The following MGRN1 variants were observed in gnomAD, a reference collection of about 807,000 sequenced individuals.
MGRN1 encodes the protein mahogunin ring finger 1, also known as E3 ubiquitin-protein ligase MGRN1.
MGRN1 carries 29 observed loss-of-function variants against 69.2 expected under a neutral mutation model. That is an observed-to-expected ratio of 0.42 (90% confidence interval 0.31 to 0.57). The LOEUF (loss-of-function observed/expected upper bound fraction) is 0.57, where lower values mean the gene tolerates loss of function less well. Among genes scored for constraint, MGRN1 ranks in the 20% least tolerant of loss-of-function variants. MGRN1 has a pLI of 0.15. For synonymous variants in MGRN1, 470 were observed against 344.2 expected (o/e 1.37, Z -4.04); for missense variants, 998 against 796.2 (o/e 1.25, Z -3.05).
intron 9 of MGRN1, chr16:4,672,580 T>G (rs558668507): frequency 1.3e-4 from 54 of 403,302 alleles, no homozygotes; most frequent in South Asian, 9.5e-4. Context: ...AGAGAGGGAA[T>G]GTTTTCAGCC....
intron 15 of MGRN1, 29 bp from the exon 16 acceptor site, chr16:4,683,814 A>G: frequency 6.2e-7 from 1 of 1,603,508 alleles, no homozygotes; most frequent in East Asian, 2.2e-5. Flanking sequence ...CCCTGCCTGT[A>G]GGTCCCTAAC....
At chr16:4,674,733 C>G (rs1367768510) in intron 10 of MGRN1, among the ~76,000 whole-genome samples, 1 of 147,132 alleles carries the variant, frequency 6.8e-6, no homozygotes, top group South Asian at 2.1e-4. Flanking sequence ...CTCCGCTTCC[C>G]GGGTTCACGC....
chr16:4,642,532 G>A (rs1158216452), intron 1 of MGRN1, among the ~76,000 whole-genome samples: 1 of 151,094 alleles, frequency 6.6e-6, no homozygotes, highest in Non-Finnish European at 1.5e-5. Context: ...TCACCTTGTT[G>A]CCAGACTGGT....
chr16:4,639,503 G>C (rs1277058132), intron 1 of MGRN1, among the ~76,000 whole-genome samples: 2 of 152,194 alleles, frequency 1.3e-5, no homozygotes, highest in Non-Finnish European at 2.9e-5. Context: ...GCATCTGGAA[G>C]GTCAGGAGGA....
At chr16:4,661,398 A>G (rs1229328098) in intron 5 of MGRN1, among the ~76,000 whole-genome samples, 2 of 152,114 alleles carry the variant, frequency 1.3e-5, no homozygotes, top group Non-Finnish European at 2.9e-5. Flanking sequence ...CTCCCGGAGG[A>G]GGCTGGGTCG....
At chr16:4,646,620 A>C (rs2141866245) in intron 1 of MGRN1, among the ~76,000 whole-genome samples, 1 of 152,088 alleles carries the variant, frequency 6.6e-6, no homozygotes, top group East Asian at 1.9e-4. Flanking sequence ...AGAGCCTTAG[A>C]AGCCACACAC....
At chr16:4,629,677 T>G (rs1228575537) in intron 1 of MGRN1, among the ~76,000 whole-genome samples, 1 of 147,400 alleles carries the variant, frequency 6.8e-6, no homozygotes, top group Non-Finnish European at 1.5e-5. Flanking sequence ...AGGCGGGGGT[T>G]GCAGTGAGCC....
intron 16 of MGRN1, chr16:4,687,196 G>A: frequency 2.1e-6 from 2 of 949,848 alleles, no homozygotes; most frequent in Non-Finnish European, 2.5e-6. Context: ...CTGTGAGGTT[G>A]GCATCCCCCA....
chr16:4,647,748 G>A (rs1185314992), intron 1 of MGRN1, among the ~76,000 whole-genome samples: 1 of 152,120 alleles, frequency 6.6e-6, no homozygotes, highest in Non-Finnish European at 1.5e-5. Context: ...TAAAATCAGG[G>A]CGTCCCACTT....
intron 10 of MGRN1, chr16:4,677,134 G>A: frequency 4.6e-6 from 1 of 218,926 alleles, no homozygotes; most frequent in South Asian, 1.6e-4. Flanking sequence ...CCCGCCTTGG[G>A]CAGCACTGCA....
At chr16:4,649,144 C>T (rs1026637461) in intron 1 of MGRN1, 3 of 152,500 alleles carry the variant, frequency 2.0e-5, no homozygotes, top group African/African-American at 4.8e-5. Context: ...GCGCCACCTA[C>T]AGCCTCCCGC....
chr16:4,630,266 C>A (rs377054779), intron 1 of MGRN1, among the ~76,000 whole-genome samples: 2 of 148,422 alleles, frequency 1.3e-5, no homozygotes, highest in Non-Finnish European at 3.0e-5. Flanking sequence ...GCAGAAGAAT[C>A]GCTGGAACCC....
At chr16:4,630,348 C>T (rs1429788329) in intron 1 of MGRN1, among the ~76,000 whole-genome samples, 6 of 140,718 alleles carry the variant, frequency 4.3e-5, no homozygotes, top group Admixed American at 6.9e-5. Context: ...GAGTGAGACG[C>T]CGTCTCAAAA....
At chr16:4,635,469 T>A (rs1311382679) in intron 1 of MGRN1, among the ~76,000 whole-genome samples, 1 of 149,024 alleles carries the variant, frequency 6.7e-6, no homozygotes, top group African/African-American at 2.5e-5. Flanking sequence ...TAACATATTC[T>A]TTTTTTTTTC....
chr16:4,664,684 C>G (rs770669009), intron 5 of MGRN1, 25 bp from the exon 6 acceptor site: 4 of 1,613,764 alleles, frequency 2.5e-6, no homozygotes, highest in Non-Finnish European at 3.4e-6. Context: ...TGGGTCCTGA[C>G]CATTCTTGGC....
chr16:4,631,847 C>G (rs561261518), intron 1 of MGRN1, among the ~76,000 whole-genome samples: 5 of 151,406 alleles, frequency 3.3e-5, no homozygotes, highest in African/African-American at 1.2e-4. Context: ...AGTGCTGACT[C>G]TGGGAATCCA....
At chr16:4,626,729 C>T (rs4332748) in intron 1 of MGRN1, among the ~76,000 whole-genome samples, 1 of 152,092 alleles carries the variant, frequency 6.6e-6, no homozygotes, top group Non-Finnish European at 1.5e-5. Context: ...ATTTACAGCC[C>T]GCTTCGGGAT....
intron 15 of MGRN1, among the ~76,000 whole-genome samples, chr16:4,683,579 C>G (rs1001452443): frequency 4.0e-5 from 6 of 150,882 alleles, no homozygotes; most frequent in African/African-American, 1.5e-4. Flanking sequence ...GCCCTATGCT[C>G]TGAACATCCA....
chr16:4,648,142 A>C (rs1035060527), intron 1 of MGRN1, among the ~76,000 whole-genome samples: 5 of 152,184 alleles, frequency 3.3e-5, no homozygotes, highest in South Asian at 2.1e-4. Flanking sequence ...GAGAATTCCC[A>C]GAAGTCCCTG....
Sources: allele counts gnomAD v4.1 joint callset (sites outside exome capture counted in the v4.1 genomes callset), GRCh38; gene constraint gnomAD v4.1.1; transcripts MANE v1.5; gene names NCBI Gene and HGNC (gene_info 2026-07-23, HGNC 2026-07-21).